Variants in PRDM5 observed in about 807,000 individuals in gnomAD.
The protein encoded by PRDM5 is PR/SET domain 5.
A neutral mutation model predicts 81.2 loss-of-function variants in PRDM5; 56 were observed. That is an observed-to-expected ratio of 0.69 (90% CI 0.56 to 0.86). PRDM5 has a LOEUF of 0.86. Ranked by LOEUF, PRDM5 falls within the 40% of genes least tolerant of loss-of-function variation. The pLI, the probability that PRDM5 is intolerant of heterozygous loss-of-function variation, is 0.00. For missense variants in PRDM5, 697 were observed against 770.1 expected, an observed-to-expected ratio of 0.91 and a Z score of 1.12; for synonymous variants, 267 against 256.4, an observed-to-expected ratio of 1.04 and a Z score of -0.39.
At chr4:120,716,912 C>T in intron 14 of PRDM5, among the ~76,000 whole-genome samples, 1 of 152,100 alleles carries the variant, frequency 6.6e-6, no homozygotes, top group East Asian at 1.9e-4. Context: ...CCCTCCCTTA[C>T]TAATTTCTTT....
chr4:120,767,035 G>A (rs186105922), intron 13 of PRDM5, among the ~76,000 whole-genome samples: 106 of 152,232 alleles, frequency 7.0e-4, no homozygotes, highest in East Asian at 1.2e-3. Context: ...GATGCAGAGC[G>A]GAACGAAGGG....
intron 5 of PRDM5, 34 bp downstream of exon 5, chr4:120,818,319 T>C (rs370182970): frequency 3.3e-5 from 52 of 1,597,806 alleles, no homozygotes; most frequent in Non-Finnish European, 3.9e-5. Flanking sequence ...TGTGTTAGCT[T>C]ATAATTTTAA....
chr4:120,770,663 C>A (rs1747142405), intron 13 of PRDM5, among the ~76,000 whole-genome samples: 6 of 151,802 alleles, frequency 4.0e-5, no homozygotes, highest in Admixed American at 2.6e-4. Context: ...CAGAGCAAGA[C>A]TATGTCTCAG....
chr4:120,877,330 G>A (rs343197), intron 2 of PRDM5, among the ~76,000 whole-genome samples: 38,436 of 152,096 alleles, frequency 0.25, 5,579 homozygotes, highest in African/African-American at 0.39. Flanking sequence ...ACATCACTTA[G>A]GTTGAAATTT....
intron 13 of PRDM5, 142 bp from the exon 14 acceptor site, chr4:120,754,780 A>G (rs1388297832): frequency 4.3e-6 from 3 of 699,850 alleles, no homozygotes; most frequent in Non-Finnish European, 7.7e-6. Flanking sequence ...ACAGCAGGGC[A>G]GATCCAAGCA....
chr4:120,778,033 G>A (rs1341987826), intron 12 of PRDM5, among the ~76,000 whole-genome samples: 3 of 152,072 alleles, frequency 2.0e-5, no homozygotes, highest in African/African-American at 7.2e-5. Flanking sequence ...CATAAAAACA[G>A]ATAATTCCAA....
At chr4:120,729,440 C>G (rs1013565102) in intron 14 of PRDM5, among the ~76,000 whole-genome samples, 1 of 152,056 alleles carries the variant, frequency 6.6e-6, no homozygotes, top group Non-Finnish European at 1.5e-5. Context: ...CTGAGAGGCC[C>G]CATAGGTCCT....
At chr4:120,801,888 A>C (rs1752164247) in intron 8 of PRDM5, among the ~76,000 whole-genome samples, 1 of 152,178 alleles carries the variant, frequency 6.6e-6, no homozygotes. Context: ...AATATATATA[A>C]TTTTATAATG....
At chr4:120,717,893 A>G (rs1738027523) in intron 14 of PRDM5, among the ~76,000 whole-genome samples, 1 of 146,494 alleles carries the variant, frequency 6.8e-6, no homozygotes, top group Non-Finnish European at 1.5e-5. Flanking sequence ...GGCCAAGGTA[A>G]AGGTGTCACA....
At chr4:120,877,796 C>A (rs948444674) in intron 2 of PRDM5, among the ~76,000 whole-genome samples, 1 of 152,140 alleles carries the variant, frequency 6.6e-6, no homozygotes, top group East Asian at 1.9e-4. Flanking sequence ...CAAAGCAAGA[C>A]TCCGTCTCAA....
intron 14 of PRDM5, among the ~76,000 whole-genome samples, chr4:120,740,450 C>T (rs1168458401): frequency 6.6e-6 from 1 of 152,104 alleles, no homozygotes; most frequent in Non-Finnish European, 1.5e-5. Context: ...CCGCTCCTCC[C>T]CTCCTTCCTC....
chr4:120,773,286 A>C (rs1424084128), intron 13 of PRDM5, among the ~76,000 whole-genome samples: 1 of 152,214 alleles, frequency 6.6e-6, no homozygotes, highest in East Asian at 1.9e-4. Flanking sequence ...TGAAAAAAAT[A>C]AAGAAAAAAG....
intron 13 of PRDM5, among the ~76,000 whole-genome samples, chr4:120,756,507 G>C (rs937966471): frequency 6.6e-6 from 1 of 152,108 alleles, no homozygotes; most frequent in Non-Finnish European, 1.5e-5. Context: ...ATTTCAGGAT[G>C]ATGATAAAAA....
rs563404386 is a variant in PRDM5, at chr4:120,807,692, G to A, written c.945+3678C>T. On this transcript the variant is annotated intron_variant, in intron 8 of 15. Coordinates refer to ENST00000264808, the MANE Select transcript of PRDM5 (RefSeq NM_018699.4). ...AGTGAGTGTTACAGTTCTTAAAGGCGGTGTGTCCGGAGTTTGTTCCTTCTG... is the reference window on the plus strand; with the variant it reads ...AGTGAGTGTTACAGTTCTTAAAGGCAGTGTGTCCGGAGTTTGTTCCTTCTG... 1.2e-4 allele frequency among the ~76,000 whole-genome samples: 18 copies of A among 152,286 alleles called. No homozygotes were observed. The South Asian group carries it at 1.2e-3, about 11-fold the overall frequency.
chr4:120,852,416 A>G (rs1262094192), intron 3 of PRDM5, among the ~76,000 whole-genome samples: 1 of 152,106 alleles, frequency 6.6e-6, no homozygotes, highest in Non-Finnish European at 1.5e-5. Context: ...GCCTCATCCA[A>G]TCATGCTGAG....
chr4:120,891,875 C>T (rs1764084929), intron 2 of PRDM5, among the ~76,000 whole-genome samples: 1 of 152,164 alleles, frequency 6.6e-6, no homozygotes, highest in South Asian at 2.1e-4. Flanking sequence ...AGCGATCCAC[C>T]TGCCTCGGTC....
chr4:120,734,033 A>T (rs945991779), intron 14 of PRDM5, among the ~76,000 whole-genome samples: 1 of 152,154 alleles, frequency 6.6e-6, no homozygotes, highest in African/African-American at 2.4e-5. Context: ...AGCCTCAAAA[A>T]GTATTGAAGT....
intron 14 of PRDM5, among the ~76,000 whole-genome samples, chr4:120,710,969 G>A (rs886624738): frequency 3.3e-4 from 50 of 152,220 alleles, no homozygotes; most frequent in African/African-American, 1.2e-3. Context: ...GTCAGACACT[G>A]AAAATGACTA....
rs1749571250 is a variant in PRDM5, at chr4:120,785,021, T to TAATAC, written c.1258_1259insGTATT (p.Gln420ArgfsTer7). The TAATAC allele has an allele frequency of 6.2e-7, 1 of 1,607,456 alleles. No individual in the cohort carries two copies. The highest frequency in any genetic ancestry group is 8.5e-7 in the Non-Finnish European group (1 of 1,174,264). On this transcript the variant is annotated frameshift_variant, in exon 11 of 16. Coordinates refer to ENST00000264808, the MANE Select transcript of PRDM5 (RefSeq NM_018699.4). LOFTEE classifies it high-confidence loss of function. ...ACTGTTATGTATTAGCAGGTGTCTC[T>TAATAC]GTAAAGAAAATGGGGTCCGGAACAA...
Sources: allele counts gnomAD v4.1 joint callset (sites outside exome capture counted in the v4.1 genomes callset), GRCh38; gene constraint gnomAD v4.1.1; transcripts MANE v1.5; gene names NCBI Gene and HGNC (gene_info 2026-07-23, HGNC 2026-07-21).